GLG1: variants seen among roughly 807,000 people sequenced by gnomAD.
The protein encoded by GLG1 is Golgi apparatus protein 1.
A neutral mutation model predicts 160.5 loss-of-function variants in GLG1; 38 were observed. The ratio of observed to expected loss-of-function variants is 0.24; its 90% CI spans 0.18 to 0.31. The LOEUF (loss-of-function observed/expected upper bound fraction) is 0.31, where lower values mean the gene tolerates loss of function less well. Ranked by LOEUF, GLG1 falls within the 10% of genes least tolerant of loss-of-function variation. The pLI, the probability that GLG1 is intolerant of heterozygous loss-of-function variation, is 1.00. For missense variants in GLG1, 1,373 were observed against 1,505.2 expected (o/e 0.91, Z 1.45); for synonymous variants, 644 against 543.4 (o/e 1.19, Z -2.57).
intron 1 of GLG1, among the ~76,000 whole-genome samples, chr16:74,536,584 A>G (rs1337231943): frequency 3.4e-4 from 51 of 151,842 alleles, no homozygotes; most frequent in Non-Finnish European, 5.6e-4. Flanking sequence ...TAGAAGAGTG[A>G]TCTCCAAAAA....
At position 74,471,393 on chromosome 16, in the gene GLG1, C is replaced by CA. The variant is rs562543680; in HGVS notation, c.2116-108dup. 564 of 680,672 alleles carry CA rather than the reference C, an allele frequency of 8.3e-4. 2 individuals carry two copies. In the South Asian group the frequency reaches 8.9e-3, roughly 11 times the overall value. 42.2% of individuals were successfully genotyped at this position (680,672 alleles called of 1,614,324 possible). A position where few individuals can be genotyped will look rare whatever the true frequency, so the allele number is the denominator to read the frequency against. On this transcript the variant is annotated intron_variant, in intron 14 of 25. Transcript: ENST00000422840. ...GCAAGGTTAGTTCTAGAAGCCCTCA[C>CA]AAAAAAAAGACACACCATAAATTGT... is the stretch of plus-strand genomic sequence containing the variant.
At chr16:74,568,548 G>T (rs965472199) in intron 1 of GLG1, among the ~76,000 whole-genome samples, 4 of 151,858 alleles carry the variant, frequency 2.6e-5, no homozygotes, top group Admixed American at 6.6e-5. Flanking sequence ...CTCCTGAGTA[G>T]CTGTGATTAC....
At position 74,468,475 on chromosome 16, in the gene GLG1, A is replaced by T. The variant is rs140251537; in HGVS notation, c.2436+471T>A. ...GGTCTTGAATTACAGACCTCAAGTG[A>T]TTTGACCGCATTTGCCTCCCAAAGT... On this transcript the variant is annotated intron_variant, in intron 17 of 25. Transcript: ENST00000422840. 6.8e-3 allele frequency: 1,089 copies of T among 159,290 alleles called. 4 individuals are homozygous for T. The highest frequency in any genetic ancestry group is 0.015 in the East Asian group (84 of 5,604). 9.9% of individuals were successfully genotyped at this position (159,290 alleles called of 1,614,324 possible). A position where few individuals can be genotyped will look rare whatever the true frequency, so the allele number is the denominator to read the frequency against.
intron 2 of GLG1, among the ~76,000 whole-genome samples, chr16:74,528,844 G>A (rs2017432305): frequency 7.0e-6 from 1 of 143,784 alleles, no homozygotes; most frequent in Non-Finnish European, 1.5e-5. Flanking sequence ...AAATTGTTAG[G>A]TGAGTATGGA....
rs765165973 is a variant in GLG1, at chr16:74,496,609, C to T, written c.810G>A (p.Leu270=). 1 of 1,612,858 alleles carries T rather than the reference C, an allele frequency of 6.2e-7. No individual in the cohort carries two copies. Among genetic ancestry groups the T allele is most frequent in the Non-Finnish European group, 8.5e-7 (1 of 1,179,056 alleles). The change falls in exon 5 of 26, where the codon TTG becomes TTA. Residue 270 remains leucine, a synonymous_variant. Coordinates refer to ENST00000422840, the MANE Select transcript of GLG1 (RefSeq NM_001145667.2). ...CTGCTTCTTTCACCAGGCCTTTCTCCAAGCATGATACCACCTCACCTTGTG... is the reference window on the plus strand; with the variant it reads ...CTGCTTCTTTCACCAGGCCTTTCTCTAAGCATGATACCACCTCACCTTGTG... ...AHSQGEVVSC[L]EKGLVKEAEE...
intron 10 of GLG1, among the ~76,000 whole-genome samples, chr16:74,481,004 T>C (rs568212303): frequency 1.4e-4 from 22 of 152,324 alleles, no homozygotes; most frequent in African/African-American, 5.1e-4. Flanking sequence ...AACATTTTAA[T>C]AGACAGCACT....
chr16:74,524,223 GAATA>G (rs2017265553), intron 2 of GLG1, among the ~76,000 whole-genome samples: 1 of 151,780 alleles, frequency 6.6e-6, no homozygotes, highest in Non-Finnish European at 1.5e-5. Flanking sequence ...CAAAAAAAAA[GAATA>G]AAAAAAATGA....
intron 1 of GLG1, among the ~76,000 whole-genome samples, chr16:74,551,470 A>ATTTTTTTTTTTTTTTT (rs10570582): frequency 7.8e-6 from 1 of 128,302 alleles, no homozygotes. Context: ...ATGTCTGGCT[A>ATTTTTTTTTTTTTTTT]TTTTTTTTTT....
chr16:74,485,015 G>A (rs1380992169), intron 9 of GLG1, among the ~76,000 whole-genome samples: 2 of 152,102 alleles, frequency 1.3e-5, no homozygotes, highest in Admixed American at 6.6e-5. Context: ...CTGGGCTCAA[G>A]CAATCTTCCC....
intron 1 of GLG1, among the ~76,000 whole-genome samples, chr16:74,554,359 C>A (rs2018293588): frequency 6.6e-6 from 1 of 152,156 alleles, no homozygotes. Context: ...CATAGTGAAA[C>A]CCCATCTCTA....
chr16:74,481,378 T>C (rs1008322791), intron 10 of GLG1, among the ~76,000 whole-genome samples: 2 of 152,212 alleles, frequency 1.3e-5, no homozygotes, highest in Admixed American at 1.3e-4. Context: ...TTGTCAACTT[T>C]GGTAGATGGC....
Position 74,589,996 on chromosome 16 carries a change from T to TTTGTTG in GLG1, c.438+16655_438+16660dup, listed in dbSNP as rs35360166. Among the ~76,000 whole-genome samples the TTTGTTG allele has an allele frequency of 9.9e-5, 15 of 151,010 alleles. No homozygotes were observed. The South Asian group carries it at 1.0e-3, about 11-fold the overall frequency. On this transcript the variant is annotated intron_variant, in intron 1 of 25. Transcript: ENST00000422840. ...TAGTACAAATTCTTGAAACTTCACT[T>TTTGTTG]TTGTTGTTGTTGTTGTTTTTTTGAG...
Position 74,452,077 on chromosome 16 carries a change from A to G in GLG1, c.*1090T>C. On this transcript the variant is annotated 3_prime_UTR_variant, in exon 26 of 26. Coordinates refer to ENST00000422840, the MANE Select transcript of GLG1 (RefSeq NM_001145667.2). The stretch of plus-strand genomic sequence containing the variant: ...AAGGTCAGGCTGGACTGCCTGTCAC[A>G]TCCTGAGACCACACTAAACCTTTAT... 1 of 1,613,880 alleles carries G rather than the reference A, an allele frequency of 6.2e-7. No homozygotes were observed. Among genetic ancestry groups the G allele is most frequent in the Non-Finnish European group, 8.5e-7 (1 of 1,179,736 alleles).
chr16:74,519,753 T>C (rs1260320043), intron 2 of GLG1, among the ~76,000 whole-genome samples: 1 of 152,154 alleles, frequency 6.6e-6, no homozygotes, highest in African/African-American at 2.4e-5. Context: ...CAATTCTTTT[T>C]GCTTACGTTA....
intron 2 of GLG1, among the ~76,000 whole-genome samples, chr16:74,524,124 A>C (rs2017260138): frequency 6.6e-6 from 1 of 152,140 alleles, no homozygotes; most frequent in Non-Finnish European, 1.5e-5. Context: ...CAGGAGAATC[A>C]CTTGAACCCA....
At chr16:74,588,248 T>G (rs1054417969) in intron 1 of GLG1, among the ~76,000 whole-genome samples, 5 of 152,052 alleles carry the variant, frequency 3.3e-5, no homozygotes, top group Non-Finnish European at 5.9e-5. Context: ...ATCAAATATT[T>G]GTTGATGGAT....
chr16:74,556,576 G>A (rs2018359631), intron 1 of GLG1, among the ~76,000 whole-genome samples: 1 of 152,034 alleles, frequency 6.6e-6, no homozygotes, highest in Non-Finnish European at 1.5e-5. Context: ...CTCAGCTACT[G>A]GGGAGGCAGA....
In GLG1 at chr16:74,607,080, T is replaced by TCCACAC. The variant is rs1958594589; in HGVS notation, c.9_14dup (p.Cys4_Gly5dup). Reference sequence around the variant, plus strand: ...ACAAGCGGAACATCCTCCGTACACGTCCACACGCCGCCATCTTGAGTCCGC... The same window carrying TCCACAC: ...ACAAGCGGAACATCCTCCGTACACGTCCACACCCACACGCCGCCATCTTGAGTCCGC... On this transcript the variant is annotated inframe_insertion, in exon 1 of 26. Coordinates refer to ENST00000422840, the MANE Select transcript of GLG1 (RefSeq NM_001145667.2). 6.4e-7 allele frequency: 1 copy of TCCACAC among 1,554,816 alleles called. No homozygotes were observed. Among genetic ancestry groups the TCCACAC allele is most frequent in the Non-Finnish European group, 8.7e-7 (1 of 1,150,472 alleles).
At position 74,454,268 on chromosome 16, in the gene GLG1, C is replaced by T. The variant is rs139141612; in HGVS notation, c.3373-934G>A. Among the ~76,000 whole-genome samples, 77 of 151,898 alleles carry T rather than the reference C, an allele frequency of 5.1e-4. No individual in the cohort carries two copies. In the East Asian group the frequency reaches 0.012, roughly 23 times the overall value. The stretch of plus-strand genomic sequence containing the variant: ...TTGCCCAGGTTGGTGTACAGTGGTG[C>T]GATCACAGCTCACTACAACCTCAAA... On this transcript the variant is annotated intron_variant, in intron 25 of 25. Coordinates refer to ENST00000422840, the MANE Select transcript of GLG1 (RefSeq NM_001145667.2).
Sources: gnomAD v4.1 joint callset for allele counts (sites outside exome capture counted in the v4.1 genomes callset) on GRCh38, gnomAD v4.1.1 for gene constraint, MANE v1.5 for transcripts, NCBI Gene and HGNC (gene_info 2026-07-23, HGNC 2026-07-21) for gene names.